Variants in DYNC2H1 observed in about 807,000 individuals in gnomAD.
The protein encoded by DYNC2H1 is dynein cytoplasmic 2 heavy chain 1, also known as cytoplasmic dynein 2 heavy chain 1.
Under a neutral mutation model 570.0 loss-of-function variants are expected in DYNC2H1, and 410 were observed. The observed-to-expected ratio is 0.72, with a 90% CI of 0.66 to 0.78. The LOEUF (loss-of-function observed/expected upper bound fraction) is 0.78. DYNC2H1 is among the 30% of genes least tolerant of loss of function. The pLI is 0.00. For synonymous variants in DYNC2H1, 1,688 were observed against 1,677.6 expected (o/e 1.01, Z -0.15); for missense variants, 4,865 against 5,046.4 (o/e 0.96, Z 1.09).
In DYNC2H1 at chr11:103,395,042, C is replaced by G. The variant is rs994993317; in HGVS notation, c.12157-4621C>G. 6.6e-6 allele frequency among the ~76,000 whole-genome samples: 1 copy of G among 152,064 alleles called. No homozygotes were observed. Among genetic ancestry groups the G allele is most frequent in the Admixed American group, 6.5e-5 (1 of 15,268 alleles). The stretch of plus-strand genomic sequence containing the variant: ...ATCCACTTGTGGATTTAATTTAATG[C>G]AGATATGTACATAATATACAGACAT... On this transcript the variant is annotated intron_variant, in intron 83 of 88. Transcript: ENST00000375735. This position sits in a 1 kb window ranked among gnomAD's most constrained non-coding sequence, Gnocchi z 4.3.
chr11:103,117,796 C>T lies in DYNC2H1; in HGVS notation c.932C>T (p.Pro311Leu), dbSNP rs755663510. The T allele has an allele frequency of 6.2e-7, 1 of 1,612,876 alleles. No individual in the cohort carries two copies. Among genetic ancestry groups the T allele is most frequent in the Non-Finnish European group, 8.5e-7 (1 of 1,179,154 alleles). The change falls in exon 6 of 89, where the codon CCT (proline) becomes CTT (leucine). Residue 311 changes from proline (P) to leucine (L), a missense_variant. Coordinates refer to ENST00000375735, the MANE Select transcript of DYNC2H1 (RefSeq NM_001377.3). Reference sequence around the variant, plus strand: ...GGTCAGGTGTGGCAGCGCTATGTTCCTCATCCATGGAAAAATGAAAAATAT... The same window carrying T: ...GGTCAGGTGTGGCAGCGCTATGTTCTTCATCCATGGAAAAATGAAAAATAT... ...LTGQVWQRYVPHPWKNEKYFP... is the reference protein window; with the variant it reads ...LTGQVWQRYVLHPWKNEKYFP...
intron 85 of DYNC2H1, among the ~76,000 whole-genome samples, chr11:103,437,356 G>T (rs1227105795): frequency 6.6e-6 from 1 of 152,080 alleles, no homozygotes; most frequent in South Asian, 2.1e-4. Flanking sequence ...CCTCCAGGGG[G>T]TCTTCCCTTG....
At chr11:103,443,628 T>C (rs1944338296) in intron 85 of DYNC2H1, among the ~76,000 whole-genome samples, 1 of 151,442 alleles carries the variant, frequency 6.6e-6, no homozygotes, top group South Asian at 2.1e-4. Flanking sequence ...CTCCTGAAAA[T>C]TATTGGTAAT....
At position 103,176,300 on chromosome 11, in the gene DYNC2H1, G is replaced by A; in HGVS notation, c.5740G>A (p.Asp1914Asn). 6.4e-7 allele frequency: 1 copy of A among 1,551,948 alleles called. No individual in the cohort carries two copies. Among genetic ancestry groups the A allele is most frequent in the Non-Finnish European group, 8.7e-7 (1 of 1,147,802 alleles). ...TACCATGTCAAAGTTTACGTTTACTGATTGCACCCGGTTTGATGCACTGAT... is the reference window on the plus strand; with the variant it reads ...TACCATGTCAAAGTTTACGTTTACTAATTGCACCCGGTTTGATGCACTGAT... ...LNTMSKFTFT[D>N]CTRFDALIKD... The change falls in exon 37 of 89, where the codon GAT becomes AAT. Residue 1914 changes from aspartate (D) to asparagine (N), a missense_variant. Around this residue, in one of 5 missense-constraint regions of DYNC2H1, gnomAD observed 292 missense variants for 300.2 expected, o/e 0.97. Transcript: ENST00000375735.
At chr11:103,222,204 C>A in intron 58 of DYNC2H1, 51 bp downstream of exon 58, 1 of 1,288,950 alleles carries the variant, frequency 7.8e-7, no homozygotes, top group Non-Finnish European at 1.0e-6. Context: ...ATATAATATT[C>A]TGCTTTTTAA....
At chr11:103,115,517 C>T (rs1380259675) in intron 4 of DYNC2H1, among the ~76,000 whole-genome samples, 1 of 152,022 alleles carries the variant, frequency 6.6e-6, no homozygotes, top group Non-Finnish European at 1.5e-5. Context: ...CAAAATTACG[C>T]CTGGGCATGG....
rs1938030564 is a variant in DYNC2H1, at chr11:103,319,141, C to T, written c.11726-1888C>T. On this transcript the variant is annotated intron_variant, in intron 80 of 88. Coordinates refer to ENST00000375735, the MANE Select transcript of DYNC2H1 (RefSeq NM_001377.3). This position sits in a 1 kb window ranked among gnomAD's most constrained non-coding sequence, Gnocchi z 4.3. ...GCAAAACAGAATTTGAATGATGTAT[C>T]ATTGTGTTTCACGTTTGTGATAGAA... Among the ~76,000 whole-genome samples, 1 of 152,060 alleles carries T rather than the reference C, an allele frequency of 6.6e-6. No homozygotes were observed. The highest frequency in any genetic ancestry group is 1.5e-5 in the Non-Finnish European group (1 of 67,952).
At chr11:103,307,867 G>A in intron 78 of DYNC2H1, 36 bp downstream of exon 78, 1 of 1,271,276 alleles carries the variant, frequency 7.9e-7, no homozygotes. Context: ...CCAGTTGTAT[G>A]AAAGCAGTAC....
chr11:103,110,840 C>G (rs377757837), intron 1 of DYNC2H1, among the ~76,000 whole-genome samples: 2 of 148,466 alleles, frequency 1.3e-5, no homozygotes, highest in African/African-American at 5.0e-5. Context: ...TTTTTTTAGA[C>G]GCAGTTCGCA....
chr11:103,298,990 T>A (rs1866945302), intron 75 of DYNC2H1, among the ~76,000 whole-genome samples: 1 of 152,084 alleles, frequency 6.6e-6, no homozygotes, highest in South Asian at 2.1e-4. Flanking sequence ...TTTTTAGAAA[T>A]GGTAGTGACC....
At chr11:103,141,717 T>C (rs922589888) in intron 17 of DYNC2H1, among the ~76,000 whole-genome samples, 1 of 152,168 alleles carries the variant, frequency 6.6e-6, no homozygotes, top group African/African-American at 2.4e-5. Flanking sequence ...AGCTGCATGC[T>C]GGGAGAACTA....
chr11:103,344,708 T>A (rs569341545), intron 82 of DYNC2H1, among the ~76,000 whole-genome samples: 57 of 152,346 alleles, frequency 3.7e-4, no homozygotes, highest in African/African-American at 1.3e-3. Context: ...TTGTAAGACT[T>A]CTTAGTATAT....
chr11:103,231,831 C>G (rs1039657922), intron 60 of DYNC2H1, among the ~76,000 whole-genome samples: 4 of 151,820 alleles, frequency 2.6e-5, no homozygotes, highest in Admixed American at 2.6e-4. Context: ...TGAATTTTTT[C>G]TCTACGTTCA....
At position 103,210,015 on chromosome 11, in the gene DYNC2H1, G is replaced by A. The variant is rs570273699; in HGVS notation, c.8539+55G>A. ...GGTTTTTATTTATGAAATAATTGCCGTTTTTAATGCTACAGATCCATTAAA... is the reference window on the plus strand; with the variant it reads ...GGTTTTTATTTATGAAATAATTGCCATTTTTAATGCTACAGATCCATTAAA... On this transcript the variant is annotated intron_variant, in intron 53 of 88. Coordinates refer to ENST00000375735, the MANE Select transcript of DYNC2H1 (RefSeq NM_001377.3). 6.7e-5 allele frequency: 93 copies of A among 1,378,640 alleles called. No homozygotes were observed. In the African/African-American group the frequency reaches 8.2e-4, roughly 12 times the overall value. The allele number at this position is 1,378,640 out of a possible 1,614,324, so 85.4% of individuals were successfully genotyped here. A position where few individuals can be genotyped will look rare whatever the true frequency, so the allele number is the denominator to read the frequency against.
At chr11:103,448,783 GA>G (rs1220017676) in intron 85 of DYNC2H1, among the ~76,000 whole-genome samples, 1 of 152,118 alleles carries the variant, frequency 6.6e-6, no homozygotes, top group Non-Finnish European at 1.5e-5. Flanking sequence ...ATGGGGACAT[GA>G]AAATTTAAGT....
At chr11:103,456,858 C>A (rs1048645613) in intron 87 of DYNC2H1, among the ~76,000 whole-genome samples, 1 of 152,102 alleles carries the variant, frequency 6.6e-6, no homozygotes, top group Non-Finnish European at 1.5e-5. Context: ...GTTTCATGCA[C>A]AAAATTCTTT....
At chr11:103,237,133 G>A (rs956872384) in intron 63 of DYNC2H1, among the ~76,000 whole-genome samples, 1 of 151,734 alleles carries the variant, frequency 6.6e-6, no homozygotes. Flanking sequence ...CATTAACTTG[G>A]TTTACTTTTC....
At chr11:103,405,272 G>C (rs374331743) in intron 84 of DYNC2H1, 1 of 151,876 alleles carries the variant, frequency 6.6e-6, no homozygotes, top group East Asian at 1.9e-4. Flanking sequence ...GGAGGAGAAG[G>C]ACTGCTGTAA....
rs78632587 is a variant in DYNC2H1 at position 103,277,804 on chromosome 11, G to A, written c.10696-2544G>A. 0.038 allele frequency among the ~76,000 whole-genome samples: 5,755 copies of A among 152,152 alleles called. 370 individuals carry two copies. Among genetic ancestry groups the A allele is most frequent in the African/African-American group, 0.13 (5,335 of 41,482 alleles). On this transcript the variant is annotated intron_variant, in intron 70 of 88. Transcript: ENST00000375735. This position sits in a 1 kb window ranked among gnomAD's most constrained non-coding sequence, Gnocchi z 4.3. The stretch of plus-strand genomic sequence containing the variant: ...AAATTTATGCCTTAAGTCTGTGCTC[G>A]GCACAAGTATGATGTTTAATTTTTT...
Sources: allele counts gnomAD v4.1 joint callset (sites outside exome capture counted in the v4.1 genomes callset), GRCh38; gene constraint gnomAD v4.1.1; regional missense constraint gnomAD v4.1.1; non-coding constraint Gnocchi (gnomAD v3.1); transcripts MANE v1.5; gene names NCBI Gene and HGNC (gene_info 2026-07-23, HGNC 2026-07-21).